The following SLC39A1 variants were observed in gnomAD, a reference collection of about 807,000 sequenced individuals.
SLC39A1 encodes the protein solute carrier family 39 member 1, also known as zinc transporter ZIP1.
Under a neutral mutation model 21.4 loss-of-function variants are expected in SLC39A1, and 17 were observed. That is an observed-to-expected ratio of 0.79 (90% CI 0.54 to 1.19). The LOEUF (loss-of-function observed/expected upper bound fraction) is 1.19. SLC39A1 is among the 50% of genes most tolerant of loss of function. The pLI is 0.00. For synonymous variants in SLC39A1, 183 were observed against 185.9 expected (o/e 0.98, Z 0.13); for missense variants, 343 against 399.8 (o/e 0.86, Z 1.21).
rs768619078 is a variant in SLC39A1, at chr1:153,960,250, GCA to G, written c.821_822del (p.Val274AlafsTer26). 2.7e-5 allele frequency: 44 copies of G among 1,614,024 alleles called. No individual in the cohort carries two copies. The highest frequency in any genetic ancestry group is 3.4e-5 in the Non-Finnish European group (40 of 1,180,060). ...AGPLHQLAQSVLEGMAAGTFL... is the reference protein window; with the variant it reads ...AGPLHQLAQSXLEGMAAGTFL... ...AAGGTGCCAGCTGCCATGCCCTCTAGCACAGACTGGGCCAGCTGGTGCAGAGG... is the reference window on the plus strand; with the variant it reads ...AAGGTGCCAGCTGCCATGCCCTCTAGCAGACTGGGCCAGCTGGTGCAGAGG... On this transcript the variant is annotated frameshift_variant, in exon 4 of 4. Coordinates refer to ENST00000356205, the MANE Select transcript of SLC39A1 (RefSeq NM_001271958.2). LOFTEE classifies it high-confidence loss of function.
rs955836080 is a variant in SLC39A1 at position 153,960,523 on chromosome 1, C to T, written c.550G>A (p.Val184Met). 4 of 1,613,600 alleles carry T rather than the reference C, an allele frequency of 2.5e-6. No homozygotes were observed. The highest frequency in any genetic ancestry group is 1.1e-5 in the South Asian group (1 of 91,076). ...ACGGAGTGGAGGGCCAGGGAGAACA[C>T]CAGTACACAGGCACGCAAGGCTGAG... ...TPSALRACVL[V>M]FSLALHSVFE... Residue 184 changes from valine to methionine, a missense_variant, in exon 4 of 4, where the codon GTG (valine) becomes ATG (methionine). Coordinates refer to ENST00000356205, the MANE Select transcript of SLC39A1 (RefSeq NM_001271958.2).
chr1:153,960,618 A>T lies in SLC39A1; in HGVS notation c.455T>A (p.Val152Glu), dbSNP rs1343469435. 1 of 1,614,162 alleles carries T rather than the reference A, an allele frequency of 6.2e-7. No homozygotes were observed. The highest frequency in any genetic ancestry group is 8.5e-7 in the Non-Finnish European group (1 of 1,180,026). ...ATGCCAATGCTGCGGCCCACCATTC[A>T]CTGTTCCCAGCAGAGCCCTTGTTTC... Reference protein sequence around the residue: ...LEETRALLGTVNGGPQHWHDG... With the variant: ...LEETRALLGTENGGPQHWHDG... The change falls in exon 4 of 4, where the codon GTG becomes GAG. Residue 152 changes from valine (V) to glutamate (E), a missense_variant. Physicochemically the swap from Val to Glu is moderately radical, Grantham distance 121. Transcript: ENST00000356205.
At chr1:153,962,479 C>T in intron 2 of SLC39A1, 50 bp downstream of exon 2, 1 of 1,585,352 alleles carries the variant, frequency 6.3e-7, no homozygotes, top group Non-Finnish European at 8.6e-7. Flanking sequence ...GCCCCAGAGC[C>T]CTCCCTAAGC....
At chr1:153,966,784 C>G (rs1444808488), upstream of SLC39A1, 1 of 152,210 alleles carries the variant, frequency 6.6e-6, no homozygotes, top group African/African-American at 2.4e-5. Context: ...ACACTCCAAA[C>G]TACTGTTTTA....
In SLC39A1 at chr1:153,960,148, G is replaced by T; in HGVS notation, c.925C>A (p.Leu309Ile). 1 of 1,614,200 alleles carries T rather than the reference G, an allele frequency of 6.2e-7. No homozygotes were observed. Among genetic ancestry groups the T allele is most frequent in the Non-Finnish European group, 8.5e-7 (1 of 1,180,022 alleles). The change falls in exon 4 of 4, where the codon CTC (leucine) becomes ATC (isoleucine). Residue 309 changes from leucine to isoleucine, a missense_variant. Leu to Ile is a conservative substitution (Grantham distance 5). Transcript: ENST00000356205. ...SEQRILKVIL[L>I]LAGFALLTGL... The stretch of plus-strand genomic sequence containing the variant: ...GTGAGCAGGGCAAAGCCTGCTAGGA[G>T]CAGAATGACCTTGAGGATCCTTTGC...
At chr1:153,960,949 C>G (rs1257761441) in intron 3 of SLC39A1, among the ~76,000 whole-genome samples, 195 bp from the exon 4 acceptor site, 6 of 152,094 alleles carry the variant, frequency 3.9e-5, no homozygotes, top group Non-Finnish European at 8.8e-5. Context: ...CACAGTGTTA[C>G]GTGTAGACCA....
In SLC39A1 at chr1:153,959,927, T is replaced by A. The variant is rs1162277095; in HGVS notation, c.*171A>T. 12 of 708,048 alleles carry A rather than the reference T, an allele frequency of 1.7e-5. No homozygotes were observed. Among genetic ancestry groups the A allele is most frequent in the Non-Finnish European group, 2.6e-5 (11 of 429,574 alleles). The allele number at this position is 708,048 out of a possible 1,614,324, so 43.9% of individuals were successfully genotyped here. On this transcript the variant is annotated 3_prime_UTR_variant, in exon 4 of 4. Transcript: ENST00000356205. ...TGGGGCCAGCCTCTTGTCTGCCCAC[T>A]TCCCTCTCATTAGTCAGATAGCCCC...
chr1:153,961,812 A>G (rs1371088857), intron 3 of SLC39A1, among the ~76,000 whole-genome samples: 1 of 152,184 alleles, frequency 6.6e-6, no homozygotes, highest in Non-Finnish European at 1.5e-5. Flanking sequence ...TCCTTGGGCC[A>G]AAGCCTAAAA....
chr1:153,962,250 T>C lies in SLC39A1; in HGVS notation c.288A>G (p.Ile96Met), dbSNP rs1647500796. The change falls in exon 3 of 4, where the codon ATA (isoleucine) becomes ATG (methionine). Residue 96 changes from isoleucine to methionine, a missense_variant. Transcript: ENST00000356205. ...LDLLPDYLAA[I>M]DEALAALHVT... Reference sequence around the variant, plus strand: ...CGTGCAAGGCTGCCAGGGCCTCATCTATGGCAGCCAGGTAGTCAGGCAGCA... The same window carrying C: ...CGTGCAAGGCTGCCAGGGCCTCATCCATGGCAGCCAGGTAGTCAGGCAGCA... The C allele has an allele frequency of 3.1e-6, 5 of 1,614,096 alleles. No individual in the cohort carries two copies. The highest frequency in any genetic ancestry group is 4.2e-6 in the Non-Finnish European group (5 of 1,180,000).
chr1:153,961,671 C>G (rs1286202130), intron 3 of SLC39A1, among the ~76,000 whole-genome samples: 1 of 152,220 alleles, frequency 6.6e-6, no homozygotes, highest in Non-Finnish European at 1.5e-5. Flanking sequence ...TCCAGTGTTA[C>G]TTCCTCAGTT....
chr1:153,960,919 A>G (rs1262187689), intron 3 of SLC39A1, among the ~76,000 whole-genome samples, 165 bp from the exon 4 acceptor site: 1 of 152,238 alleles, frequency 6.6e-6, no homozygotes, highest in Admixed American at 6.5e-5. Flanking sequence ...TGATACGTAC[A>G]CACAGATTAT....
Position 153,959,453 on chromosome 1 carries a change from C to A in SLC39A1, c.*645G>T. ...ATAAAGAGCAAGCAGGCCCCCTTCA[C>A]TGAGGTGCTGGGTAGGGCTCAGTGC... is the stretch of plus-strand genomic sequence containing the variant. On this transcript the variant is annotated 3_prime_UTR_variant, in exon 4 of 4. Coordinates refer to ENST00000356205, the MANE Select transcript of SLC39A1 (RefSeq NM_001271958.2). The A allele has an allele frequency of 7.6e-6, 3 of 396,144 alleles. No individual in the cohort carries two copies. Among genetic ancestry groups the A allele is most frequent in the Non-Finnish European group, 1.3e-5 (3 of 224,814 alleles). 24.5% of individuals were successfully genotyped at this position (396,144 alleles called of 1,614,324 possible). A position where few individuals can be genotyped will look rare whatever the true frequency, so the allele number is the denominator to read the frequency against.
At chr1:153,962,385 A>G (rs1647513356) in intron 2 of SLC39A1, 35 bp from the exon 3 acceptor site, 3 of 1,607,614 alleles carry the variant, frequency 1.9e-6, no homozygotes, top group Non-Finnish European at 1.7e-6. Flanking sequence ...GGAATAAGCA[A>G]ACAAACCCCC....
rs374637493 is a variant in SLC39A1, at chr1:153,959,285, C to T, written c.*813G>A. On this transcript the variant is annotated 3_prime_UTR_variant, in exon 4 of 4. Coordinates refer to ENST00000356205, the MANE Select transcript of SLC39A1 (RefSeq NM_001271958.2). ...TGTATTTAAAAAAATGTTTTGGCAG[C>T]TCAGTGTTTATCATCTGGGCATGGG... 2.0e-4 allele frequency: 79 copies of T among 399,010 alleles called. No homozygotes were observed. Among genetic ancestry groups the T allele is most frequent in the Middle Eastern group, 1.9e-3 (3 of 1,588 alleles). 24.7% of individuals were successfully genotyped at this position (399,010 alleles called of 1,614,324 possible). A position where few individuals can be genotyped will look rare whatever the true frequency, so the allele number is the denominator to read the frequency against.
chr1:153,962,680 C>T lies in SLC39A1; in HGVS notation c.36G>A (p.Trp12Ter). 1 of 1,608,520 alleles carries T rather than the reference C, an allele frequency of 6.2e-7. No individual in the cohort carries two copies. Among genetic ancestry groups the T allele is most frequent in the Non-Finnish European group, 8.5e-7 (1 of 1,177,638 alleles). The change falls in exon 2 of 4, where the codon TGG (tryptophan) becomes TGA (stop). Residue 12 changes from tryptophan to a stop codon, truncating the protein, a stop_gained. Transcript: ENST00000356205. LOFTEE classifies it high-confidence loss of function. ...GCTCTGAAGCTACCGCCTCGGGGCG[C>T]CACACCAGGAGCTCTGGCTCTCCCC... Reference protein sequence around the residue: ...GPWGEPELLVWRPEAVASEPP... With the variant: ...GPWGEPELLV
chr1:153,960,660 C>G lies in SLC39A1; in HGVS notation c.413G>C (p.Gly138Ala). ...CCTTGTTTCCTCCAGAGGTGACGGC[C>G]CTGACTGCTCCTTGTAAGCCAGTGT... Reference protein sequence around the residue: ...QITLAYKEQSGPSPLEETRAL... With the variant: ...QITLAYKEQSAPSPLEETRAL... The change falls in exon 4 of 4, where the codon GGG becomes GCG. Residue 138 changes from glycine to alanine, a missense_variant. Gly to Ala is a moderately conservative substitution (Grantham distance 60). Transcript: ENST00000356205. 10 of 1,614,190 alleles carry G rather than the reference C, an allele frequency of 6.2e-6. No individual in the cohort carries two copies. Among genetic ancestry groups the G allele is most frequent in the Non-Finnish European group, 7.6e-6 (9 of 1,180,044 alleles).
At chr1:153,963,901 T>C (rs1233704708), upstream of SLC39A1, among the ~76,000 whole-genome samples, 1 of 152,270 alleles carries the variant, frequency 6.6e-6, no homozygotes, top group Non-Finnish European at 1.5e-5. Flanking sequence ...CTTCCTGGCC[T>C]TGGGCCAAAG....
chr1:153,965,005 C>A (rs577546220), upstream of SLC39A1: 1 of 152,056 alleles, frequency 6.6e-6, no homozygotes, highest in Non-Finnish European at 1.5e-5. Flanking sequence ...GGTCAGGAAA[C>A]CTGGATTCTG....
chr1:153,963,244 G>C (rs1387926609), intron 1 of SLC39A1: 1 of 152,660 alleles, frequency 6.6e-6, no homozygotes. Context: ...GAGAACAAGC[G>C]CTTCAGGCCC....
Sources: allele counts gnomAD v4.1 joint callset (sites outside exome capture counted in the v4.1 genomes callset), GRCh38; gene constraint gnomAD v4.1.1; transcripts MANE v1.5; gene names NCBI Gene and HGNC (gene_info 2026-07-23, HGNC 2026-07-21).